WDR41: variants seen among roughly 807,000 people sequenced by gnomAD.
WDR41 encodes the protein WD repeat-containing protein 41.
In WDR41, 63 loss-of-function variants were observed where a neutral mutation model predicts 69.3. The observed-to-expected ratio is 0.91, with a 90% CI of 0.74 to 1.12. The LOEUF (loss-of-function observed/expected upper bound fraction) is 1.12. Ranked by LOEUF, WDR41 falls within the 50% of genes most tolerant of loss-of-function variation. The pLI, the probability that WDR41 is intolerant of heterozygous loss-of-function variation, is 0.00. For synonymous variants in WDR41, 185 were observed against 192.1 expected, an observed-to-expected ratio of 0.96 and a Z score of 0.31; for missense variants, 543 against 534.5, an observed-to-expected ratio of 1.02 and a Z score of -0.16.
intron 1 of WDR41, among the ~76,000 whole-genome samples, chr5:77,580,598 C>T (rs920268998): frequency 6.6e-6 from 1 of 151,702 alleles, no homozygotes; most frequent in Non-Finnish European, 1.5e-5. Context: ...AAAATACTGC[C>T]TTAGAAAAAT....
rs370687172 is a variant in WDR41, at chr5:77,449,762, T to C, written c.695A>G (p.Asn232Ser). ...QDNILSLINV[N>S]DLSFVTGSHV... ...ATAAATGTACACAATGAGCTTACCA[T>C]TGACATTAATCAATGAGAGAATATT... The change falls in exon 8 of 13, where the codon AAT becomes AGT. Residue 232 changes from asparagine (N) to serine (S), a missense_variant and splice_region_variant. Asn to Ser is a conservative substitution (Grantham distance 46, BLOSUM62 1). Coordinates refer to ENST00000296679, the MANE Select transcript of WDR41 (RefSeq NM_018268.4). The C allele has an allele frequency of 2.1e-5, 33 of 1,600,356 alleles. No individual in the cohort carries two copies. Among genetic ancestry groups the C allele is most frequent in the East Asian group, 4.5e-5 (2 of 44,796 alleles).
At chr5:77,493,468 C>T (rs1436248916), upstream of WDR41, among the ~76,000 whole-genome samples, 2 of 152,106 alleles carry the variant, frequency 1.3e-5, no homozygotes, top group Non-Finnish European at 2.9e-5. Flanking sequence ...TAAGAGAGAG[C>T]CATACATCCC....
At chr5:77,538,156 T>C (rs1448436129) in intron 1 of WDR41, among the ~76,000 whole-genome samples, 1 of 152,208 alleles carries the variant, frequency 6.6e-6, no homozygotes, top group East Asian at 1.9e-4. Context: ...TGTCCATCTA[T>C]ACATATTATT....
chr5:77,553,748 C>T (rs965718084), intron 1 of WDR41, among the ~76,000 whole-genome samples: 8 of 152,184 alleles, frequency 5.3e-5, no homozygotes, highest in African/African-American at 1.9e-4. Flanking sequence ...GATACCACTA[C>T]ACACATATCA....
At chr5:77,542,162 A>G (rs781255322) in intron 1 of WDR41, among the ~76,000 whole-genome samples, 1 of 152,168 alleles carries the variant, frequency 6.6e-6, no homozygotes, top group Non-Finnish European at 1.5e-5. Context: ...CAGCAAACTA[A>G]CACAGGAACA....
At chr5:77,528,404 C>T (rs1216807763) in intron 1 of WDR41, among the ~76,000 whole-genome samples, 1 of 151,598 alleles carries the variant, frequency 6.6e-6, no homozygotes, top group East Asian at 1.9e-4. Flanking sequence ...TTAAATCCAC[C>T]AAGGAAGCTT....
chr5:77,432,968 G>A lies in WDR41; in HGVS notation c.*167C>T, dbSNP rs1000508732. 20 of 661,088 alleles carry A rather than the reference G, an allele frequency of 3.0e-5. No homozygotes were observed. The highest frequency in any genetic ancestry group is 4.7e-5 in the Non-Finnish European group (19 of 405,036). The allele number at this position is 661,088 out of a possible 1,614,324, so 41.0% of individuals were successfully genotyped here. The stretch of plus-strand genomic sequence containing the variant: ...TGGAGGATATACTAGGACCTGAGAA[G>A]CAACATGTTCCTGGTTGGTAGGTCC... On this transcript the variant is annotated 3_prime_UTR_variant, in exon 13 of 13. Coordinates refer to ENST00000296679, the MANE Select transcript of WDR41 (RefSeq NM_018268.4).
intron 8 of WDR41, among the ~76,000 whole-genome samples, chr5:77,441,671 G>A (rs1218602241): frequency 6.6e-6 from 1 of 152,104 alleles, no homozygotes; most frequent in Admixed American, 6.5e-5. Context: ...CTGGGACGCA[G>A]AGGTCGCAGT....
intron 1 of WDR41, among the ~76,000 whole-genome samples, chr5:77,543,589 C>T (rs978815414): frequency 2.0e-5 from 3 of 151,946 alleles, no homozygotes; most frequent in Non-Finnish European, 4.4e-5. Context: ...TGAATTAACC[C>T]AATCCAAGAA....
At chr5:77,552,067 T>C (rs1743311244) in intron 1 of WDR41, among the ~76,000 whole-genome samples, 1 of 139,842 alleles carries the variant, frequency 7.2e-6, no homozygotes, top group East Asian at 2.0e-4. Context: ...AAATAAAATC[T>C]CCTAACTAGT....
At chr5:77,479,400 T>C (rs2112049984) in intron 2 of WDR41, among the ~76,000 whole-genome samples, 1 of 152,200 alleles carries the variant, frequency 6.6e-6, no homozygotes, top group Non-Finnish European at 1.5e-5. Flanking sequence ...GCTGGAGGCA[T>C]CACACTACCT....
In WDR41 at chr5:77,438,314, T is replaced by C. The variant is rs1799026221; in HGVS notation, c.930A>G (p.Gln310=). The C allele has an allele frequency of 1.9e-6, 3 of 1,614,090 alleles. No homozygotes were observed. The Admixed American group carries it at 5.0e-5, about 27-fold the overall frequency. Residue 310 remains glutamine, a synonymous_variant, in exon 10 of 13, where the codon CAA becomes CAG. Transcript: ENST00000296679. ...TCTGGCAGGCAATCACACGCTTCATTTGAAGGCTATACACGTATAAACCCC... is the reference window on the plus strand; with the variant it reads ...TCTGGCAGGCAATCACACGCTTCATCTGAAGGCTATACACGTATAAACCCC... ...VGRGLYVYSL[Q]MKRVIACQKT... is the part of the protein sequence containing the mutation.
intron 1 of WDR41, among the ~76,000 whole-genome samples, chr5:77,597,145 A>C (rs909220059): frequency 2.0e-5 from 3 of 151,922 alleles, no homozygotes; most frequent in African/African-American, 7.3e-5. Context: ...AAAAAGAAAA[A>C]AAAGACAAGA....
chr5:77,593,710 C>T (rs1363744413), intron 1 of WDR41, among the ~76,000 whole-genome samples: 1 of 151,976 alleles, frequency 6.6e-6, no homozygotes, highest in Non-Finnish European at 1.5e-5. Flanking sequence ...TGCACCTAAC[C>T]CACCAGGAAC....
chr5:77,465,452 G>A (rs971195725), intron 2 of WDR41, among the ~76,000 whole-genome samples: 1 of 151,670 alleles, frequency 6.6e-6, no homozygotes, highest in African/African-American at 2.4e-5. Flanking sequence ...CATATCACAG[G>A]GACAATCACC....
intron 1 of WDR41, among the ~76,000 whole-genome samples, chr5:77,563,657 A>G (rs1490263452): frequency 1.3e-5 from 2 of 152,134 alleles, no homozygotes; most frequent in Non-Finnish European, 2.9e-5. Context: ...AGTGCTGTGT[A>G]CTCTCACGAG....
intron 1 of WDR41, among the ~76,000 whole-genome samples, chr5:77,533,372 T>C (rs1742901223): frequency 6.6e-6 from 1 of 152,176 alleles, no homozygotes; most frequent in South Asian, 2.1e-4. Flanking sequence ...AGCAATGAAC[T>C]CTAAAAAAAA....
intron 1 of WDR41, among the ~76,000 whole-genome samples, chr5:77,587,393 G>A (rs367750011): frequency 1.2e-4 from 19 of 152,146 alleles, no homozygotes; most frequent in African/African-American, 3.6e-4. Context: ...CTTAAGATAC[G>A]CACACATTCA....
chr5:77,483,168 TACTC>T (rs3031863), intron 2 of WDR41, among the ~76,000 whole-genome samples: 4,844 of 152,230 alleles, frequency 0.032, 201 homozygotes, highest in South Asian at 0.19. Context: ...GACAGGGTCT[TACTC>T]AGTCATCCAG....
Sources: gnomAD v4.1 joint callset for allele counts (sites outside exome capture counted in the v4.1 genomes callset) on GRCh38, gnomAD v4.1.1 for gene constraint, MANE v1.5 for transcripts, NCBI Gene and HGNC (gene_info 2026-07-23, HGNC 2026-07-21) for gene names.